Variants in DNAH6 observed in about 807,000 individuals in gnomAD.
DNAH6 encodes dynein axonemal heavy chain 6.
Under a neutral mutation model 491.4 loss-of-function variants are expected in DNAH6, and 340 were observed. That is an observed-to-expected ratio of 0.69 (90% CI 0.63 to 0.76). The LOEUF (loss-of-function observed/expected upper bound fraction) is 0.76. DNAH6 is among the 30% of genes least tolerant of loss of function. The pLI is 0.00. For missense variants in DNAH6, 4,443 were observed against 4,972.2 expected, an observed-to-expected ratio of 0.89 and a Z score of 3.20; for synonymous variants, 1,603 against 1,686.1, an observed-to-expected ratio of 0.95 and a Z score of 1.21.
chr2:84,587,316 G>A (rs965874229), intron 15 of DNAH6, among the ~76,000 whole-genome samples: 11 of 152,216 alleles, frequency 7.2e-5, no homozygotes, highest in South Asian at 2.1e-4. Flanking sequence ...ATAGTGTTCC[G>A]TGTGTCCACA....
chr2:84,765,566 G>A (rs1178504493), intron 64 of DNAH6, among the ~76,000 whole-genome samples: 1 of 151,888 alleles, frequency 6.6e-6, no homozygotes, highest in Non-Finnish European at 1.5e-5. Context: ...AATTTTAGGG[G>A]AAAAGACTAA....
chr2:84,550,914 GAC>G lies in DNAH6; in HGVS notation c.1485+861_1485+862del, dbSNP rs368681437. 3.3e-4 allele frequency among the ~76,000 whole-genome samples: 51 copies of G among 152,270 alleles called. 1 individual carries two copies. Among genetic ancestry groups the G allele is most frequent in the African/African-American group, 1.2e-3 (50 of 41,548 alleles). On this transcript the variant is annotated intron_variant, in intron 9 of 76. Coordinates refer to ENST00000389394, the MANE Select transcript of DNAH6 (RefSeq NM_001370.2). ...CTTTTATGAGGATGTTGATCTTAAA[GAC>G]ACAGAGTACTATGAGATGTTTGGAT...
rs1465799728 is a variant in DNAH6 at position 84,819,410 on chromosome 2, A to G, written c.*2A>G. 6.5e-7 allele frequency: 1 copy of G among 1,546,274 alleles called. No homozygotes were observed. The highest frequency in any genetic ancestry group is 8.8e-7 in the Non-Finnish European group (1 of 1,142,640). On this transcript the variant is annotated 3_prime_UTR_variant, in exon 77 of 77. Coordinates refer to ENST00000389394, the MANE Select transcript of DNAH6 (RefSeq NM_001370.2). Reference sequence around the variant, plus strand: ...TTGCTCTGCCAGCTGAGCGAATGAAAAGGTGCCACCTCAGCCCTGAAAAAG... The same window carrying G: ...TTGCTCTGCCAGCTGAGCGAATGAAGAGGTGCCACCTCAGCCCTGAAAAAG...
chr2:84,595,647 C>G lies in DNAH6; in HGVS notation c.2726C>G (p.Ser909Cys). Residue 909 changes from serine to cysteine, a missense_variant and splice_region_variant, in exon 18 of 77, where the codon TCC (serine) becomes TGC (cysteine). By Grantham distance (112) the Ser-to-Cys change is moderately radical. Transcript: ENST00000389394. ...GCTTTGTTTTTAAATTTTTCATAGT[C>G]CAAATTTGATTGCCTGGATCCAGAA... is the stretch of plus-strand genomic sequence containing the variant. ...WDKLQQEWLK[S>C]KFDCLDPEVL... is the part of the protein sequence containing the mutation. The G allele has an allele frequency of 6.5e-7, 1 of 1,532,810 alleles. No homozygotes were observed. The allele number at this position is 1,532,810 out of a possible 1,614,324, so 95.0% of individuals were successfully genotyped here.
chr2:84,489,109 G>T, the DNAH6 span, among the ~76,000 whole-genome samples: 1 of 152,130 alleles, frequency 6.6e-6, no homozygotes, highest in East Asian at 1.9e-4. Flanking sequence ...TCAACAGTGT[G>T]CATATGTAAG....
rs190606107 is a variant in DNAH6, at chr2:84,767,078, A to G, written c.10703+4133A>G. Among the ~76,000 whole-genome samples the G allele has an allele frequency of 1.9e-4, 29 of 152,328 alleles. No homozygotes were observed. The East Asian group carries it at 5.4e-3, about 28-fold the overall frequency. On this transcript the variant is annotated intron_variant, in intron 64 of 76. Coordinates refer to ENST00000389394, the MANE Select transcript of DNAH6 (RefSeq NM_001370.2). ...AAGAGAACCCCGGACTACATGTTTA[A>G]AAACCAAGAAAAACAGTGTCTATTA...
chr2:84,698,172 C>T (rs989069519), intron 47 of DNAH6, among the ~76,000 whole-genome samples: 6 of 152,310 alleles, frequency 3.9e-5, no homozygotes, highest in Non-Finnish European at 7.4e-5. Flanking sequence ...TTCCATTCTC[C>T]AGCACCATGC....
rs1008916901 is a variant in DNAH6 at position 84,529,157 on chromosome 2, A to G, written c.653A>G (p.Tyr218Cys). 3.2e-6 allele frequency: 5 copies of G among 1,542,048 alleles called. No homozygotes were observed. Among genetic ancestry groups the G allele is most frequent in the East Asian group, 4.9e-5 (2 of 40,730 alleles). Residue 218 changes from tyrosine (Y) to cysteine (C), a missense_variant, in exon 4 of 77, where the codon TAT becomes TGT. By Grantham distance (194) the Tyr-to-Cys change is radical. Transcript: ENST00000389394. ...VPRSSIEYDT[Y>C]NLKVVSYENI... is the part of the protein sequence containing the mutation. ...AGATCATCCATTGAATATGATACAT[A>G]TAATCTAAAGTGAGTTATTTTTTAT...
intron 63 of DNAH6, among the ~76,000 whole-genome samples, chr2:84,761,521 G>A (rs1160792785): frequency 6.6e-6 from 1 of 152,040 alleles, no homozygotes; most frequent in Non-Finnish European, 1.5e-5. Context: ...ATTGATGCTG[G>A]AAAGGTTAAG....
intron 68 of DNAH6, among the ~76,000 whole-genome samples, chr2:84,795,004 A>C (rs1407425676): frequency 6.0e-5 from 9 of 150,556 alleles, no homozygotes; most frequent in African/African-American, 1.2e-4. Flanking sequence ...AGCCATAAAA[A>C]ATGATGAGTT....
At chr2:84,693,356 G>T (rs1695057193) in intron 45 of DNAH6, among the ~76,000 whole-genome samples, 1 of 151,844 alleles carries the variant, frequency 6.6e-6, no homozygotes, top group Non-Finnish European at 1.5e-5. Context: ...CAGTTTAGTG[G>T]ATTTTCCATC....
intron 11 of DNAH6, among the ~76,000 whole-genome samples, chr2:84,561,579 G>C (rs1680680724): frequency 6.6e-6 from 1 of 152,102 alleles, no homozygotes; most frequent in Non-Finnish European, 1.5e-5. Flanking sequence ...CACAGCAAAA[G>C]AAACTACCAT....
In DNAH6 at chr2:84,713,191, A is replaced by G. The variant is rs1329446302; in HGVS notation, c.9475A>G (p.Ile3159Val). 6.4e-7 allele frequency: 1 copy of G among 1,551,924 alleles called. No individual in the cohort carries two copies. The highest frequency in any genetic ancestry group is 1.4e-5 in the African/African-American group (1 of 73,070). Reference sequence around the variant, plus strand: ...ACTCATCCGTCTTGGAGACTCAGACATTGATTATGACAAAAACTTTAGGTT... The same window carrying G: ...ACTCATCCGTCTTGGAGACTCAGACGTTGATTATGACAAAAACTTTAGGTT... ...RLLIRLGDSD[I>V]DYDKNFRFYM... The change falls in exon 57 of 77, where the codon ATT (isoleucine) becomes GTT (valine). Residue 3159 changes from isoleucine to valine, a missense_variant. Physicochemically the swap from Ile to Val is conservative, Grantham distance 29. This residue lies in a region of DNAH6 where 1,463 missense variants were observed against 1,656.6 expected (regional missense o/e 0.88). Coordinates refer to ENST00000389394, the MANE Select transcript of DNAH6 (RefSeq NM_001370.2).
chr2:84,709,413 A>C lies in DNAH6; in HGVS notation c.9119A>C (p.Asn3040Thr). 6.4e-7 allele frequency: 1 copy of C among 1,551,704 alleles called. No individual in the cohort carries two copies. Among genetic ancestry groups the C allele is most frequent in the Non-Finnish European group, 8.7e-7 (1 of 1,147,016 alleles). ...ATCGATCCTTCCTTCAGTCTCATTA[A>C]CATTCTTGGAGATCCCTACGAGATA... Reference protein sequence around the residue: ...IPIDPSFSLINILGDPYEIRQ... With the variant: ...IPIDPSFSLITILGDPYEIRQ... Residue 3040 changes from asparagine (N) to threonine (T), a missense_variant, in exon 55 of 77, where the codon AAC becomes ACC. Coordinates refer to ENST00000389394, the MANE Select transcript of DNAH6 (RefSeq NM_001370.2).
At position 84,694,282 on chromosome 2, in the gene DNAH6, T is replaced by G. The variant is rs1203656070; in HGVS notation, c.7326T>G (p.Asn2442Lys). ...IARMIRQERG[N>K]ALLVGVGGTG... ...GGATGATACGTCAAGAAAGAGGCAA[T>G]GCCCTGCTTGTTGGAGTAGGAGGCA... Residue 2442 changes from asparagine (N) to lysine (K), a missense_variant, in exon 46 of 77, where the codon AAT (asparagine) becomes AAG (lysine). Asn to Lys is a moderately conservative substitution (Grantham distance 94, BLOSUM62 0). Coordinates refer to ENST00000389394, the MANE Select transcript of DNAH6 (RefSeq NM_001370.2). 2.6e-6 allele frequency: 4 copies of G among 1,552,138 alleles called. No homozygotes were observed. Among genetic ancestry groups the G allele is most frequent in the Non-Finnish European group, 2.6e-6 (3 of 1,147,082 alleles).
intron 22 of DNAH6, among the ~76,000 whole-genome samples, chr2:84,614,339 T>C (rs1686623216): frequency 6.6e-6 from 1 of 152,116 alleles, no homozygotes; most frequent in African/African-American, 2.4e-5. Flanking sequence ...CCAAATCAAT[T>C]CAGGTTGCTG....
In DNAH6 at chr2:84,771,253, A is replaced by G. The variant is rs533120174; in HGVS notation, c.10703+8308A>G. ...CAGTGAGCTGAGATTGCACCATTGC[A>G]CTCTAGCCTGGGCAACAAGAACGAA... On this transcript the variant is annotated intron_variant, in intron 64 of 76. Coordinates refer to ENST00000389394, the MANE Select transcript of DNAH6 (RefSeq NM_001370.2). Among the ~76,000 whole-genome samples, 20 of 151,706 alleles carry G rather than the reference A, an allele frequency of 1.3e-4. No individual in the cohort carries two copies. In the South Asian group the frequency reaches 4.0e-3, roughly 30 times the overall value.
intron 4 of DNAH6, among the ~76,000 whole-genome samples, chr2:84,541,679 C>T (rs1678260662): frequency 6.6e-6 from 1 of 152,132 alleles, no homozygotes; most frequent in South Asian, 2.1e-4. Flanking sequence ...TCTCCATCTC[C>T]ATTTGGAGGA....
At chr2:84,516,188 G>T (rs972085769), upstream of DNAH6, among the ~76,000 whole-genome samples, 1 of 152,210 alleles carries the variant, frequency 6.6e-6, no homozygotes, top group African/African-American at 2.4e-5. Context: ...AGAAATTCCT[G>T]TAAGAGGTTG....
Sources: gnomAD v4.1 joint callset for allele counts (sites outside exome capture counted in the v4.1 genomes callset) on GRCh38, gnomAD v4.1.1 for gene constraint, gnomAD v4.1.1 regional missense constraint, MANE v1.5 for transcripts, NCBI Gene and HGNC (gene_info 2026-07-23, HGNC 2026-07-21) for gene names.